TANC1: variants seen among roughly 807,000 people sequenced by gnomAD.
TANC1 encodes the protein tetratricopeptide repeat, ankyrin repeat and coiled-coil containing 1, also known as protein TANC1.
Under a neutral mutation model 149.7 loss-of-function variants are expected in TANC1, and 77 were observed. The ratio of observed to expected loss-of-function variants is 0.51; its 90% CI spans 0.43 to 0.62. The LOEUF (loss-of-function observed/expected upper bound fraction) is 0.62, where lower values mean the gene tolerates loss of function less well. TANC1 is among the 20% of genes least tolerant of loss of function. TANC1 has a pLI of 0.00. For synonymous variants in TANC1, 854 were observed against 925.0 expected (o/e 0.92, Z 1.39); for missense variants, 1,985 against 2,321.8 (o/e 0.85, Z 2.98).
chr2:159,034,869 G>A (rs1044683115), intron 2 of TANC1, among the ~76,000 whole-genome samples: 5 of 152,204 alleles, frequency 3.3e-5, no homozygotes, highest in South Asian at 2.1e-4. Flanking sequence ...CGAACTCACC[G>A]ACGCTGGCTT....
intron 4 of TANC1, among the ~76,000 whole-genome samples, chr2:159,100,761 A>C (rs1209433108): frequency 6.6e-6 from 1 of 152,232 alleles, no homozygotes; most frequent in Non-Finnish European, 1.5e-5. Context: ...GTGACTCAAT[A>C]CATCAAATGA....
At chr2:159,146,725 G>A (rs2052151170) in intron 5 of TANC1, among the ~76,000 whole-genome samples, 1 of 151,986 alleles carries the variant, frequency 6.6e-6, no homozygotes, top group Admixed American at 6.6e-5. Context: ...ATTTTTAATA[G>A]AGATGGGGTT....
intron 1 of TANC1, among the ~76,000 whole-genome samples, chr2:158,969,520 G>A (rs929650965): frequency 2.6e-5 from 4 of 152,258 alleles, no homozygotes; most frequent in African/African-American, 9.6e-5. Flanking sequence ...TGGATGCAGA[G>A]TGGTCATTTT....
chr2:159,101,146 C>G (rs940620296), intron 4 of TANC1, among the ~76,000 whole-genome samples: 3 of 152,136 alleles, frequency 2.0e-5, no homozygotes, highest in Admixed American at 1.3e-4. Flanking sequence ...CCTGCCAATT[C>G]CTCTCTTGTT....
chr2:159,163,532 C>T lies in TANC1; in HGVS notation c.932C>T (p.Pro311Leu). ...TCCAGCTCACTAATAATGCCACGGCCCAACTCAGTTGCAGGTAAGGCCACA... is the reference window on the plus strand; with the variant it reads ...TCCAGCTCACTAATAATGCCACGGCTCAACTCAGTTGCAGGTAAGGCCACA... ...QGSSSLIMPR[P>L]NSVAATSSTK... Residue 311 changes from proline (P) to leucine (L), a missense_variant, in exon 8 of 27, where the codon CCC (proline) becomes CTC (leucine). This residue lies in a region of TANC1 where 557 missense variants were observed against 612.9 expected (regional missense o/e 0.91). Coordinates refer to ENST00000263635, the MANE Select transcript of TANC1 (RefSeq NM_033394.3). The T allele has an allele frequency of 6.2e-7, 1 of 1,612,098 alleles. No individual in the cohort carries two copies. The highest frequency in any genetic ancestry group is 8.5e-7 in the Non-Finnish European group (1 of 1,179,518).
At chr2:159,009,538 A>G (rs983195690) in intron 2 of TANC1, among the ~76,000 whole-genome samples, 1 of 152,210 alleles carries the variant, frequency 6.6e-6, no homozygotes, top group African/African-American at 2.4e-5. Flanking sequence ...GTGAAAACTA[A>G]AAATGTTGAT....
chr2:159,079,598 C>T (rs1452973485), intron 3 of TANC1, among the ~76,000 whole-genome samples: 1 of 152,118 alleles, frequency 6.6e-6, no homozygotes, highest in East Asian at 1.9e-4. Flanking sequence ...TATCTATGTC[C>T]TCTCCATTGT....
chr2:159,068,044 A>G (rs573675151), intron 3 of TANC1, among the ~76,000 whole-genome samples: 2 of 152,350 alleles, frequency 1.3e-5, no homozygotes, highest in South Asian at 2.1e-4. Context: ...TGAAAGACCA[A>G]TGGGAACGTT....
chr2:159,012,803 A>T (rs1204638797), intron 2 of TANC1, among the ~76,000 whole-genome samples: 2 of 152,142 alleles, frequency 1.3e-5, no homozygotes, highest in African/African-American at 4.8e-5. Flanking sequence ...TACTTTTTTT[A>T]AAAAAGGGAA....
chr2:158,996,602 G>A (rs2036157171), intron 1 of TANC1, among the ~76,000 whole-genome samples: 1 of 152,134 alleles, frequency 6.6e-6, no homozygotes, highest in South Asian at 2.1e-4. Flanking sequence ...AAATAACACT[G>A]CAGTGAACAT....
chr2:158,997,985 A>G (rs1306349301), intron 1 of TANC1, among the ~76,000 whole-genome samples: 1 of 152,218 alleles, frequency 6.6e-6, no homozygotes, highest in Non-Finnish European at 1.5e-5. Flanking sequence ...AGTTTAACAC[A>G]ACCAGCAGTA....
At position 159,116,574 on chromosome 2, in the gene TANC1, G is replaced by A. The variant is rs549656295; in HGVS notation, c.259+18740G>A. Reference sequence around the variant, plus strand: ...ATAGTAAATATCTCAGGCTTTGAGGGCCACACAGTCCCTGTTGCGACTATG... The same window carrying A: ...ATAGTAAATATCTCAGGCTTTGAGGACCACACAGTCCCTGTTGCGACTATG... On this transcript the variant is annotated intron_variant, in intron 4 of 26. Transcript: ENST00000263635. 1.2e-3 allele frequency among the ~76,000 whole-genome samples: 180 copies of A among 152,264 alleles called. 1 individual carries two copies. The highest frequency in any genetic ancestry group is 7.1e-3 in the South Asian group (34 of 4,814).
intron 7 of TANC1, among the ~76,000 whole-genome samples, chr2:159,159,280 T>C (rs1267233669): frequency 6.6e-6 from 1 of 151,814 alleles, no homozygotes; most frequent in Admixed American, 6.6e-5. Context: ...ACCCTGTCTC[T>C]ACAAAAATAT....
intron 4 of TANC1, among the ~76,000 whole-genome samples, chr2:159,111,114 A>T (rs1265435946): frequency 6.6e-6 from 1 of 152,268 alleles, no homozygotes; most frequent in African/African-American, 2.4e-5. Context: ...GGTCTAAGAA[A>T]GCAATGGTTC....
chr2:159,185,755 CT>C, intron 14 of TANC1, 35 bp from the exon 15 acceptor site: 5 of 1,472,520 alleles, frequency 3.4e-6, no homozygotes, highest in Non-Finnish European at 4.7e-6. Flanking sequence ...GTGGAATGGG[CT>C]CTTCTGCTGT....
At chr2:159,071,979 G>C (rs1478571788) in intron 3 of TANC1, among the ~76,000 whole-genome samples, 1 of 152,044 alleles carries the variant, frequency 6.6e-6, no homozygotes, top group African/African-American at 2.4e-5. Context: ...GTGTTTTTTT[G>C]TTTTGTTTTT....
At chr2:159,074,349 C>A (rs2043438605) in intron 3 of TANC1, among the ~76,000 whole-genome samples, 1 of 152,166 alleles carries the variant, frequency 6.6e-6, no homozygotes, top group African/African-American at 2.4e-5. Context: ...GATCTTTATG[C>A]CCTGGGATGT....
intron 5 of TANC1, 40 bp from the exon 6 acceptor site, chr2:159,149,102 C>A: frequency 6.5e-7 from 1 of 1,541,544 alleles, no homozygotes; most frequent in Non-Finnish European, 8.7e-7. Flanking sequence ...ACTGAAATTC[C>A]CCAGAGGGGC....
chr2:159,140,931 C>A (rs1220291240), intron 5 of TANC1, among the ~76,000 whole-genome samples: 1 of 151,982 alleles, frequency 6.6e-6, no homozygotes, highest in Non-Finnish European at 1.5e-5. Context: ...CCTCAGGTGA[C>A]CCACCCGCCT....
Sources: gnomAD v4.1 joint callset for allele counts (sites outside exome capture counted in the v4.1 genomes callset) on GRCh38, gnomAD v4.1.1 for gene constraint, gnomAD v4.1.1 regional missense constraint, MANE v1.5 for transcripts, NCBI Gene and HGNC (gene_info 2026-07-23, HGNC 2026-07-21) for gene names.